Variants in RORA observed in about 807,000 individuals in gnomAD.
RORA encodes nuclear receptor ROR-alpha.
Under a neutral mutation model 69.5 loss-of-function variants are expected in RORA, and 7 were observed. That is an observed-to-expected ratio of 0.10 (90% CI 0.06 to 0.19). The LOEUF is 0.19. RORA is among the 10% of genes least tolerant of loss of function. RORA has a pLI of 1.00. For missense variants in RORA, 457 were observed against 663.0 expected, an observed-to-expected ratio of 0.69 and a Z score of 3.41; for synonymous variants, 261 against 240.8, an observed-to-expected ratio of 1.08 and a Z score of -0.78.
intron 1 of RORA, among the ~76,000 whole-genome samples, chr15:60,736,520 T>C (rs1370526848): frequency 6.6e-6 from 1 of 152,172 alleles, no homozygotes; most frequent in East Asian, 1.9e-4. Flanking sequence ...TGATATTCTG[T>C]TACCTGAACA....
At chr15:61,160,106 A>C (rs549998422) in intron 1 of RORA, among the ~76,000 whole-genome samples, 1 of 152,314 alleles carries the variant, frequency 6.6e-6, no homozygotes, top group East Asian at 1.9e-4. Context: ...GAATAAAAGA[A>C]ATGATGTGAC....
chr15:60,833,507 C>T (rs1002491311), intron 1 of RORA, among the ~76,000 whole-genome samples: 8 of 152,156 alleles, frequency 5.3e-5, no homozygotes, highest in African/African-American at 9.7e-5. Context: ...ACATCCCACC[C>T]GATTCCAAAT....
intron 1 of RORA, among the ~76,000 whole-genome samples, chr15:61,026,221 C>T (rs1895802860): frequency 6.6e-6 from 1 of 152,152 alleles, no homozygotes; most frequent in African/African-American, 2.4e-5. Flanking sequence ...TTGTTTTTTA[C>T]CTTCTGATGC....
At chr15:61,087,846 C>T (rs993856650) in intron 1 of RORA, among the ~76,000 whole-genome samples, 1 of 152,202 alleles carries the variant, frequency 6.6e-6, no homozygotes, top group Non-Finnish European at 1.5e-5. Context: ...GCCAGGGAGC[C>T]ATAAATGTTA....
intron 2 of RORA, among the ~76,000 whole-genome samples, chr15:60,618,911 C>T (rs2069329146): frequency 1.3e-5 from 2 of 152,156 alleles, no homozygotes; most frequent in African/African-American, 4.8e-5. Context: ...GACACATGCC[C>T]AAAGGTGCTC....
chr15:61,122,627 T>G (rs968839891), intron 1 of RORA, among the ~76,000 whole-genome samples: 1 of 152,138 alleles, frequency 6.6e-6, no homozygotes, highest in Non-Finnish European at 1.5e-5. Context: ...ATGAAAAAAT[T>G]GAGGCTAAGA....
intron 2 of RORA, among the ~76,000 whole-genome samples, chr15:60,597,931 A>G (rs2068733583): frequency 6.6e-6 from 1 of 151,742 alleles, no homozygotes; most frequent in Admixed American, 6.6e-5. Context: ...CTTCTCCAAG[A>G]AGCCTTCTTT....
chr15:61,189,855 T>C (rs1313460065), intron 1 of RORA, among the ~76,000 whole-genome samples: 5 of 332 alleles, frequency 0.015, no homozygotes, highest in Non-Finnish European at 0.025. Context: ...AGACTCTGTC[T>C]CAAAAAAAAA....
chr15:60,771,188 C>CTCTAT (rs2072067557), intron 1 of RORA, among the ~76,000 whole-genome samples: 1 of 76,716 alleles, frequency 1.3e-5, no homozygotes, highest in Non-Finnish European at 3.1e-5. Context: ...ATCCAACTCC[C>CTCTAT]CCTACCCTCC....
chr15:61,139,087 T>G (rs1202586398), intron 1 of RORA, among the ~76,000 whole-genome samples: 1 of 150,536 alleles, frequency 6.6e-6, no homozygotes, highest in Non-Finnish European at 1.5e-5. Context: ...GAGCTTGCAG[T>G]GAGCCAAGAT....
chr15:60,609,157 G>C (rs556992040), intron 2 of RORA, among the ~76,000 whole-genome samples: 32 of 152,210 alleles, frequency 2.1e-4, no homozygotes, highest in Admixed American at 1.3e-3. Flanking sequence ...AGAAAGGAAG[G>C]GTTCCTATGA....
intron 1 of RORA, among the ~76,000 whole-genome samples, chr15:60,855,465 A>T (rs959273778): frequency 6.6e-6 from 1 of 152,196 alleles, no homozygotes; most frequent in African/African-American, 2.4e-5. Flanking sequence ...ATATTTAGTC[A>T]TACACTTATG....
At chr15:60,706,724 A>G (rs928518458) in intron 1 of RORA, among the ~76,000 whole-genome samples, 1 of 152,196 alleles carries the variant, frequency 6.6e-6, no homozygotes, top group Non-Finnish European at 1.5e-5. Flanking sequence ...TACCTGATGA[A>G]CAGGAAGAGA....
At chr15:60,877,865 C>G (rs1317724185) in intron 1 of RORA, among the ~76,000 whole-genome samples, 3 of 152,086 alleles carry the variant, frequency 2.0e-5, no homozygotes, top group African/African-American at 7.2e-5. Context: ...GGTAAAATTG[C>G]CTAAATCATA....
chr15:60,527,964 T>G (rs2066414305), intron 3 of RORA: 1 of 152,370 alleles, frequency 6.6e-6, no homozygotes, highest in Non-Finnish European at 1.5e-5. Flanking sequence ...CTTCCTCAGC[T>G]CCAGCCCACG....
At chr15:60,786,235 A>C (rs2072332455) in intron 1 of RORA, among the ~76,000 whole-genome samples, 1 of 152,210 alleles carries the variant, frequency 6.6e-6, no homozygotes, top group Non-Finnish European at 1.5e-5. Flanking sequence ...CAAGCCACTA[A>C]ATACATCTGT....
intron 1 of RORA, among the ~76,000 whole-genome samples, chr15:61,039,654 C>T (rs559977056): frequency 2.7e-5 from 4 of 148,484 alleles, no homozygotes; most frequent in South Asian, 4.3e-4. Context: ...CTGAGGCAGG[C>T]GAATCACTTG....
intron 2 of RORA, among the ~76,000 whole-genome samples, chr15:60,591,848 C>T (rs1458764532): frequency 6.6e-6 from 1 of 151,972 alleles, no homozygotes; most frequent in African/African-American, 2.4e-5. Flanking sequence ...CGGCCGGCGG[C>T]CGCTGAGGCG....
intron 7 of RORA, among the ~76,000 whole-genome samples, 189 bp from the exon 8 acceptor site, chr15:60,503,056 T>G (rs963714347): frequency 1.3e-5 from 2 of 152,226 alleles, no homozygotes; most frequent in Non-Finnish European, 2.9e-5. Context: ...ATTAAAAGAC[T>G]GTTGTGCTGA....
Sources: allele counts gnomAD v4.1 joint callset (sites outside exome capture counted in the v4.1 genomes callset), GRCh38; gene constraint gnomAD v4.1.1; transcripts MANE v1.5; gene names NCBI Gene and HGNC (gene_info 2026-07-23, HGNC 2026-07-21).